The following PTPRD variants were observed in gnomAD, a reference collection of about 807,000 sequenced individuals.
PTPRD encodes the protein receptor-type tyrosine-protein phosphatase delta.
Under a neutral mutation model 214.5 loss-of-function variants are expected in PTPRD, and 34 were observed. The ratio of observed to expected loss-of-function variants is 0.16; its 90% CI spans 0.12 to 0.21. The LOEUF (loss-of-function observed/expected upper bound fraction) is 0.21. PTPRD is among the 10% of genes least tolerant of loss of function. The probability of loss-of-function intolerance (pLI) is 1.00; values close to 1 mark genes in which losing one functional copy is unlikely to be tolerated. For missense variants in PTPRD, 2,545 were observed against 2,398.7 expected (o/e 1.06, Z -1.27); for synonymous variants, 1,128 against 845.7 (o/e 1.33, Z -5.79).
chr9:8,444,259 C>A (rs532736633), intron 34 of PTPRD, among the ~76,000 whole-genome samples: 2 of 152,080 alleles, frequency 1.3e-5, no homozygotes, highest in Admixed American at 6.6e-5. Context: ...GAACTGACTA[C>A]CATCATTGTC....
chr9:8,526,442 GA>G (rs2074175780), intron 17 of PTPRD, among the ~76,000 whole-genome samples, 184 bp downstream of exon 17: 2 of 149,354 alleles, frequency 1.3e-5, no homozygotes, highest in South Asian at 4.2e-4. Context: ...AACAAAGAGA[GA>G]AAGAAAAAGG....
At chr9:9,576,476 C>T (rs552179668) in intron 7 of PTPRD, among the ~76,000 whole-genome samples, 1 of 147,302 alleles carries the variant, frequency 6.8e-6, no homozygotes, top group East Asian at 2.0e-4. Flanking sequence ...TTCAGGAGAT[C>T]TATTCCTTAT....
chr9:10,040,073 G>T (rs958448732), intron 3 of PTPRD, among the ~76,000 whole-genome samples: 1 of 151,988 alleles, frequency 6.6e-6, no homozygotes, highest in African/African-American at 2.4e-5. Context: ...GATAGGACTG[G>T]AATGAAAATA....
intron 11 of PTPRD, among the ~76,000 whole-genome samples, chr9:9,011,001 A>T (rs7045984): frequency 0.77 from 117,229 of 152,088 alleles, 46,222 homozygotes; most frequent in Middle Eastern, 0.92. Context: ...AACATTTCCT[A>T]TGGCCTAGGA....
At chr9:8,567,600 T>G (rs2089753454) in intron 14 of PTPRD, among the ~76,000 whole-genome samples, 1 of 152,192 alleles carries the variant, frequency 6.6e-6, no homozygotes, top group African/African-American at 2.4e-5. Context: ...GCTCAATATT[T>G]TATGAATAAA....
At chr9:9,238,323 G>T (rs563648287) in intron 9 of PTPRD, among the ~76,000 whole-genome samples, 1 of 152,236 alleles carries the variant, frequency 6.6e-6, no homozygotes, top group South Asian at 2.1e-4. Flanking sequence ...TGGGTTTGCA[G>T]TGGCTGACAA....
chr9:9,220,183 C>A (rs1233978119), intron 9 of PTPRD, among the ~76,000 whole-genome samples: 1 of 151,954 alleles, frequency 6.6e-6, no homozygotes, highest in African/African-American at 2.4e-5. Flanking sequence ...ATGCCTGTGA[C>A]ATTTTTAGAG....
At chr9:9,803,164 G>C (rs2099052182) in intron 5 of PTPRD, among the ~76,000 whole-genome samples, 2 of 151,052 alleles carry the variant, frequency 1.3e-5, no homozygotes, top group Admixed American at 6.6e-5. Flanking sequence ...CTAAATCACT[G>C]AAAATTGTGG....
In PTPRD at chr9:8,499,763, C is replaced by G; in HGVS notation, c.2206G>C (p.Val736Leu). Reference protein sequence around the residue: ...TSVKVSWRSPVPNKQHGQIRG... With the variant: ...TSVKVSWRSPLPNKQHGQIRG... ...ATCTGGCCATGCTGTTTATTGGGCA[C>G]GGGTGAGCGCCATGAGACTTTAACA... The change falls in exon 25 of 46, where the codon GTG (valine) becomes CTG (leucine). Residue 736 changes from valine (V) to leucine (L), a missense_variant. Coordinates refer to ENST00000381196, the MANE Select transcript of PTPRD (RefSeq NM_002839.4). 6.2e-7 allele frequency: 1 copy of G among 1,614,034 alleles called. No individual in the cohort carries two copies. The highest frequency in any genetic ancestry group is 2.2e-5 in the East Asian group (1 of 44,870).
At chr9:9,454,614 T>C (rs917218421) in intron 8 of PTPRD, among the ~76,000 whole-genome samples, 4 of 151,712 alleles carry the variant, frequency 2.6e-5, no homozygotes, top group Admixed American at 2.0e-4. Flanking sequence ...CCAAAAGAAA[T>C]TTCTCACATG....
chr9:9,592,981 G>A (rs1242370948), intron 7 of PTPRD, among the ~76,000 whole-genome samples: 1 of 151,870 alleles, frequency 6.6e-6, no homozygotes, highest in Non-Finnish European at 1.5e-5. Context: ...GGAGGTGGAG[G>A]CTGCAGTGAG....
intron 3 of PTPRD, among the ~76,000 whole-genome samples, chr9:10,201,114 C>G (rs978257935): frequency 6.6e-6 from 1 of 151,928 alleles, no homozygotes; most frequent in Non-Finnish European, 1.5e-5. Flanking sequence ...GAAAATGGCA[C>G]ATCTGACTCT....
intron 3 of PTPRD, among the ~76,000 whole-genome samples, chr9:10,231,537 G>A (rs543568383): frequency 6.6e-6 from 1 of 151,942 alleles, no homozygotes; most frequent in East Asian, 1.9e-4. Flanking sequence ...TGGGATGGGG[G>A]TGGAGATGGA....
At chr9:8,824,765 G>C (rs527469527) in intron 11 of PTPRD, among the ~76,000 whole-genome samples, 7 of 152,248 alleles carry the variant, frequency 4.6e-5, no homozygotes, top group African/African-American at 1.7e-4. Flanking sequence ...GCAGCAGTTA[G>C]AGATCACTGG....
intron 9 of PTPRD, among the ~76,000 whole-genome samples, chr9:9,396,626 C>G (rs1203295078): frequency 2.0e-5 from 3 of 151,932 alleles, no homozygotes; most frequent in Non-Finnish European, 4.4e-5. Context: ...CTGGCCATTT[C>G]TTATTTTACC....
chr9:8,482,488 C>G (rs1223986523), intron 30 of PTPRD, among the ~76,000 whole-genome samples: 1 of 152,030 alleles, frequency 6.6e-6, no homozygotes, highest in Non-Finnish European at 1.5e-5. Flanking sequence ...AAATGCCTCT[C>G]TGCTTGACCT....
intron 20 of PTPRD, among the ~76,000 whole-genome samples, chr9:8,518,822 G>C (rs62534049): frequency 0.079 from 11,968 of 152,086 alleles, 644 homozygotes; most frequent in South Asian, 0.16. Flanking sequence ...AGACTAATGA[G>C]CCAATCCACT....
intron 35 of PTPRD, among the ~76,000 whole-genome samples, chr9:8,422,146 C>CAAAA: frequency 3.9e-5 from 1 of 25,378 alleles, no homozygotes; most frequent in Non-Finnish European, 7.2e-5. Context: ...GACCCTGTCT[C>CAAAA]CAAAAAAAAA....
chr9:9,769,860 T>C (rs1490813701), intron 5 of PTPRD, among the ~76,000 whole-genome samples: 1 of 152,054 alleles, frequency 6.6e-6, no homozygotes, highest in East Asian at 1.9e-4. Context: ...ACATGTGGTG[T>C]CTGGTTTTCT....
Sources: allele counts gnomAD v4.1 joint callset (sites outside exome capture counted in the v4.1 genomes callset), GRCh38; gene constraint gnomAD v4.1.1; transcripts MANE v1.5; gene names NCBI Gene and HGNC (gene_info 2026-07-23, HGNC 2026-07-21).